The following SVEP1 variants were observed in gnomAD, a reference collection of about 807,000 sequenced individuals.
The protein encoded by SVEP1 is sushi, von Willebrand factor type A, EGF and pentraxin domain containing 1.
In SVEP1, 164 loss-of-function variants were observed where a neutral mutation model predicts 367.3. The ratio of observed to expected loss-of-function variants is 0.45; its 90% CI spans 0.39 to 0.51. SVEP1 has a LOEUF of 0.51. Ranked by LOEUF, SVEP1 falls within the 20% of genes least tolerant of loss-of-function variation. The pLI is 0.00. For synonymous variants in SVEP1, 1,666 were observed against 1,611.6 expected, an observed-to-expected ratio of 1.03 and a Z score of -0.81; for missense variants, 4,117 against 4,425.3, an observed-to-expected ratio of 0.93 and a Z score of 1.98.
At position 110,476,285 on chromosome 9, in the gene SVEP1, T is replaced by C. The variant is rs779749704; in HGVS notation, c.2518A>G (p.Ile840Val). The change falls in exon 14 of 48, where the codon ATT (isoleucine) becomes GTT (valine). Residue 840 changes from isoleucine (I) to valine (V), a missense_variant. Physicochemically the swap from Ile to Val is conservative, Grantham distance 29. Coordinates refer to ENST00000374469, the MANE Select transcript of SVEP1 (RefSeq NM_153366.4). ...AGGTTCTCCTCCAGTCTGCAGTCAA[T>C]GTCCTCTGCATCACTACAAAATGAT... Reference protein sequence around the residue: ...VPSFCSDAEDIDCRLEENLTK... With the variant: ...VPSFCSDAEDVDCRLEENLTK... The C allele has an allele frequency of 8.7e-6, 14 of 1,613,468 alleles. No homozygotes were observed. In the African/African-American group the frequency reaches 1.7e-4, roughly 20 times the overall value.
chr9:110,497,773 T>C (rs1373800427), intron 7 of SVEP1, among the ~76,000 whole-genome samples: 1 of 152,236 alleles, frequency 6.6e-6, no homozygotes, highest in East Asian at 1.9e-4. Flanking sequence ...TATGATAAAA[T>C]ACATCTTTTA....
At chr9:110,559,062 T>C (rs1284336074) in intron 1 of SVEP1, among the ~76,000 whole-genome samples, 1 of 152,100 alleles carries the variant, frequency 6.6e-6, no homozygotes, top group Non-Finnish European at 1.5e-5. Flanking sequence ...GTATGATAGA[T>C]TATCTATCTC....
At chr9:110,438,996 G>A (rs7043404) in intron 27 of SVEP1, among the ~76,000 whole-genome samples, 2 of 151,928 alleles carry the variant, frequency 1.3e-5, no homozygotes, top group African/African-American at 4.8e-5. Context: ...CACCAACTCC[G>A]TTTTTTAGAA....
At chr9:110,515,062 A>G (rs1392520577) in intron 3 of SVEP1, among the ~76,000 whole-genome samples, 5 of 152,230 alleles carry the variant, frequency 3.3e-5, no homozygotes, top group Non-Finnish European at 7.3e-5. Context: ...AATCTAATTG[A>G]CCTTGCTTCA....
chr9:110,540,872 C>T (rs1472696607), intron 3 of SVEP1, among the ~76,000 whole-genome samples: 3 of 152,110 alleles, frequency 2.0e-5, no homozygotes, highest in Admixed American at 1.3e-4. Flanking sequence ...GTGACAGTGG[C>T]GTTCATTTCA....
At chr9:110,454,624 G>C (rs1828749045) in intron 22 of SVEP1, among the ~76,000 whole-genome samples, 2 of 152,174 alleles carry the variant, frequency 1.3e-5, no homozygotes, top group African/African-American at 4.8e-5. Flanking sequence ...ATATTATGTA[G>C]TCATAAAAAC....
rs572908060 is a variant in SVEP1, at chr9:110,412,587, T to C, written c.5976-852A>G. Reference sequence around the variant, plus strand: ...AGAGCTTCTGCACAGCAAAAGAAACTACCATCAGAGTGAACAGGCAACCTA... The same window carrying C: ...AGAGCTTCTGCACAGCAAAAGAAACCACCATCAGAGTGAACAGGCAACCTA... On this transcript the variant is annotated intron_variant, in intron 36 of 47. Coordinates refer to ENST00000374469, the MANE Select transcript of SVEP1 (RefSeq NM_153366.4). Among the ~76,000 whole-genome samples the C allele has an allele frequency of 4.4e-3, 663 of 151,934 alleles. 3 individuals are homozygous for C. Among genetic ancestry groups the C allele is most frequent in the African/African-American group, 0.015 (627 of 41,406 alleles).
Position 110,481,152 on chromosome 9 carries a change from C to T in SVEP1, c.2365+90G>A, listed in dbSNP as rs943538284. ...TTCATGGCACCATTTTCCATTAATTCCTATCGTAAGGCAATTTTCCTCTTT... is the reference window on the plus strand; with the variant it reads ...TTCATGGCACCATTTTCCATTAATTTCTATCGTAAGGCAATTTTCCTCTTT... On this transcript the variant is annotated intron_variant, in intron 12 of 47. Coordinates refer to ENST00000374469, the MANE Select transcript of SVEP1 (RefSeq NM_153366.4). The T allele has an allele frequency of 9.1e-6, 9 of 986,170 alleles. No homozygotes were observed. The Admixed American group carries it at 1.1e-4, about 12-fold the overall frequency. The allele number at this position is 986,170 out of a possible 1,614,324, so 61.1% of individuals were successfully genotyped here. A position where few individuals can be genotyped will look rare whatever the true frequency, so the allele number is the denominator to read the frequency against.
chr9:110,370,002 G>A lies in SVEP1; in HGVS notation c.10615C>T (p.Pro3539Ser). Residue 3539 changes from proline (P) to serine (S), a missense_variant, in exon 47 of 48, where the codon CCC becomes TCC. Transcript: ENST00000374469. ...SRCHTAVCQS[P>S]CLNGGKCVRP... ...ACACATTTTCCACCATTTAAGCAGG[G>A]AGACTGGCAAACAGCTGGAATAAAA... The A allele has an allele frequency of 6.2e-7, 1 of 1,612,908 alleles. No homozygotes were observed. Among genetic ancestry groups the A allele is most frequent in the Non-Finnish European group, 8.5e-7 (1 of 1,179,402 alleles).
rs1407792088 is a variant in SVEP1, at chr9:110,423,008, A to G, written c.5975+4583T>C. On this transcript the variant is annotated intron_variant, in intron 36 of 47. Transcript: ENST00000374469. The stretch of plus-strand genomic sequence containing the variant: ...GCGGGGAGGGATAGCATTGGGAGAT[A>G]TACCTAATGCTAGATGACACATTAG... 3.2e-4 allele frequency among the ~76,000 whole-genome samples: 43 copies of G among 132,400 alleles called. No individual in the cohort carries two copies. In the South Asian group the frequency reaches 0.011, roughly 34 times the overall value. 86.9% of individuals were successfully genotyped at this position (132,400 alleles called of 152,430 possible). A position where few individuals can be genotyped will look rare whatever the true frequency, so the allele number is the denominator to read the frequency against.
At chr9:110,563,584 A>T (rs769734133) in intron 1 of SVEP1, among the ~76,000 whole-genome samples, 2 of 152,142 alleles carry the variant, frequency 1.3e-5, no homozygotes, top group African/African-American at 4.8e-5. Context: ...GGGCAACCAC[A>T]CTCTGTTGTG....
At chr9:110,367,183 A>G (rs1827213832) in intron 47 of SVEP1, among the ~76,000 whole-genome samples, 1 of 152,198 alleles carries the variant, frequency 6.6e-6, no homozygotes, top group Admixed American at 6.5e-5. Flanking sequence ...ATTTTAAAAC[A>G]AGATCTTACT....
chr9:110,526,279 A>G (rs1313555793), intron 3 of SVEP1, among the ~76,000 whole-genome samples: 1 of 152,128 alleles, frequency 6.6e-6, no homozygotes, highest in African/African-American at 2.4e-5. Context: ...CAACCTACAT[A>G]TCTGACATAG....
chr9:110,488,244 G>A (rs1205202172), intron 9 of SVEP1, among the ~76,000 whole-genome samples: 2 of 152,128 alleles, frequency 1.3e-5, no homozygotes, highest in African/African-American at 2.4e-5. Flanking sequence ...AGTTTGAAAT[G>A]CCTGTGAGAC....
intron 18 of SVEP1, among the ~76,000 whole-genome samples, chr9:110,463,799 C>T (rs779837675): frequency 7.2e-5 from 11 of 151,838 alleles, no homozygotes; most frequent in African/African-American, 2.7e-4. Flanking sequence ...TATAAGGGAC[C>T]GTTTTAGAAC....
chr9:110,437,651 T>C (rs1286234204), intron 27 of SVEP1, among the ~76,000 whole-genome samples: 1 of 152,102 alleles, frequency 6.6e-6, no homozygotes, highest in Non-Finnish European at 1.5e-5. Flanking sequence ...TTTTTTTTTA[T>C]TTCAATAGTT....
intron 1 of SVEP1, among the ~76,000 whole-genome samples, chr9:110,563,289 A>G (rs1830452757): frequency 6.6e-6 from 1 of 152,192 alleles, no homozygotes; most frequent in Non-Finnish European, 1.5e-5. Flanking sequence ...TTTACTACAT[A>G]TGACATATAA....
chr9:110,574,389 A>G (rs1830601304), intron 1 of SVEP1, among the ~76,000 whole-genome samples: 1 of 152,212 alleles, frequency 6.6e-6, no homozygotes, highest in Non-Finnish European at 1.5e-5. Context: ...GTGATTTTCA[A>G]TTTCACACAA....
At chr9:110,534,977 A>G (rs1284329552) in intron 3 of SVEP1, among the ~76,000 whole-genome samples, 2 of 151,956 alleles carry the variant, frequency 1.3e-5, no homozygotes, top group Admixed American at 6.6e-5. Context: ...CTGTCTGTTT[A>G]GTCTGTTGAT....
Sources: allele counts gnomAD v4.1 joint callset (sites outside exome capture counted in the v4.1 genomes callset), GRCh38; gene constraint gnomAD v4.1.1; transcripts MANE v1.5; gene names NCBI Gene and HGNC (gene_info 2026-07-23, HGNC 2026-07-21).